The following MICAL2 variants were observed in gnomAD, a reference collection of about 807,000 sequenced individuals.
MICAL2 encodes the protein microtubule associated monooxygenase, calponin and LIM domain containing 2.
MICAL2 carries 77 observed loss-of-function variants against 127.3 expected under a neutral mutation model. That is an observed-to-expected ratio of 0.60 (90% CI 0.50 to 0.73). The LOEUF is 0.73. MICAL2 is among the 30% of genes least tolerant of loss of function. MICAL2 has a pLI of 0.00. For missense variants in MICAL2, 1,351 were observed against 1,434.4 expected (o/e 0.94, Z 0.94); for synonymous variants, 570 against 551.1 (o/e 1.03, Z -0.48).
At chr11:12,199,739 C>A (rs867653281) in intron 3 of MICAL2, among the ~76,000 whole-genome samples, 6 of 152,170 alleles carry the variant, frequency 3.9e-5, no homozygotes, top group African/African-American at 1.4e-4. Flanking sequence ...GTCACCATCC[C>A]CCCATCCTGA....
intron 30 of MICAL2, chr11:12,319,931 G>A: frequency 2.9e-6 from 2 of 692,908 alleles, no homozygotes; most frequent in South Asian, 1.8e-5. Flanking sequence ...ATGTTTCATT[G>A]CATCTGACAG....
intron 26 of MICAL2, 35 bp downstream of exon 26, chr11:12,259,932 C>T (rs760602096): frequency 6.2e-7 from 1 of 1,608,400 alleles, no homozygotes; most frequent in Non-Finnish European, 8.5e-7. Context: ...AGGTGCTGGG[C>T]TGGCCCCTCA....
chr11:12,189,887 G>T (rs57605825), intron 3 of MICAL2, among the ~76,000 whole-genome samples: 162 of 152,346 alleles, frequency 1.1e-3, no homozygotes, highest in African/African-American at 3.8e-3. Flanking sequence ...TGCCCTTAAA[G>T]ATGCTCTGAT....
chr11:12,292,290 C>T (rs75013602), downstream of MICAL2: 4,868 of 1,614,070 alleles, frequency 3.0e-3, 101 homozygotes, highest in African/African-American at 0.052. Flanking sequence ...GGTTCCTCCC[C>T]GCCTCAGGTG....
At chr11:12,349,555 G>C (rs4757382) in intron 32 of MICAL2, among the ~76,000 whole-genome samples, 1 of 151,968 alleles carries the variant, frequency 6.6e-6, no homozygotes, top group Non-Finnish European at 1.5e-5. Context: ...GGCAGGGGGA[G>C]GGTCGTTTGT....
At chr11:12,236,373 T>C in intron 16 of MICAL2, 128 bp downstream of exon 16, 5 of 813,338 alleles carry the variant, frequency 6.1e-6, no homozygotes, top group Non-Finnish European at 1.0e-5. Context: ...GGTTCCAAGC[T>C]TGGCGTGATG....
downstream of MICAL2, chr11:12,292,050 T>C: frequency 7.0e-7 from 1 of 1,431,690 alleles, no homozygotes; most frequent in Non-Finnish European, 9.4e-7. Context: ...TCTTTCTGAC[T>C]GTTTATAGAA....
intron 3 of MICAL2, among the ~76,000 whole-genome samples, chr11:12,166,378 A>G (rs1294674457): frequency 1.3e-5 from 2 of 152,144 alleles, no homozygotes; most frequent in East Asian, 1.9e-4. Flanking sequence ...GACAGAGAGG[A>G]TAGTTTGGAA....
chr11:12,159,643 C>G (rs1048218316), intron 2 of MICAL2, among the ~76,000 whole-genome samples: 2 of 152,204 alleles, frequency 1.3e-5, no homozygotes, highest in Middle Eastern at 3.2e-3. Context: ...GTGTAGCAGG[C>G]AAGTTCAAAT....
At chr11:12,317,536 TAATC>T (rs1216322107) in intron 29 of MICAL2, among the ~76,000 whole-genome samples, 3 of 152,188 alleles carry the variant, frequency 2.0e-5, no homozygotes, top group East Asian at 3.9e-4. Context: ...CTCACACCTA[TAATC>T]CCAGCACTTT....
chr11:12,226,652 T>G (rs2641943), intron 14 of MICAL2, among the ~76,000 whole-genome samples: 19,005 of 70,880 alleles, frequency 0.27, 1,354 homozygotes, highest in East Asian at 0.36. Context: ...TTGTTTTTGG[T>G]TTTTTTTTTT....
At chr11:12,252,290 A>G (rs1232328504) in intron 22 of MICAL2, among the ~76,000 whole-genome samples, 1 of 152,326 alleles carries the variant, frequency 6.6e-6, no homozygotes, top group Non-Finnish European at 1.5e-5. Flanking sequence ...AATGGCAGAC[A>G]GTATGCTTAG....
At chr11:12,124,403 G>T (rs1251080648) in intron 1 of MICAL2, among the ~76,000 whole-genome samples, 1 of 152,152 alleles carries the variant, frequency 6.6e-6, no homozygotes, top group Non-Finnish European at 1.5e-5. Flanking sequence ...TCTGAAGCTA[G>T]ATAGGCCATG....
chr11:12,288,824 C>A (rs1271335501), downstream of MICAL2, among the ~76,000 whole-genome samples: 2 of 152,218 alleles, frequency 1.3e-5, no homozygotes, highest in South Asian at 4.1e-4. Context: ...GCAAAACCTC[C>A]AAGTTCTGGG....
chr11:12,313,769 G>A (rs1864200832), intron 29 of MICAL2, among the ~76,000 whole-genome samples: 1 of 151,802 alleles, frequency 6.6e-6, no homozygotes, highest in Admixed American at 6.6e-5. Context: ...TGTTTAAAAT[G>A]TCTAACAATG....
At chr11:12,124,919 G>A (rs1036103853) in intron 1 of MICAL2, among the ~76,000 whole-genome samples, 2 of 152,244 alleles carry the variant, frequency 1.3e-5, no homozygotes, top group East Asian at 1.9e-4. Context: ...TTCCTCCACA[G>A]TTCCTGTGTC....
At chr11:12,215,148 C>T (rs1855979416) in intron 7 of MICAL2, among the ~76,000 whole-genome samples, 1 of 152,236 alleles carries the variant, frequency 6.6e-6, no homozygotes, top group East Asian at 1.9e-4. Flanking sequence ...ACTTAAGCCA[C>T]TCAATATAAA....
At chr11:12,339,078 A>T (rs929918845) in intron 32 of MICAL2, among the ~76,000 whole-genome samples, 2 of 152,170 alleles carry the variant, frequency 1.3e-5, no homozygotes, top group African/African-American at 4.8e-5. Flanking sequence ...TCTCCCCATC[A>T]CTTTCAGGTA....
intron 1 of MICAL2, among the ~76,000 whole-genome samples, chr11:12,279,744 C>T (rs1053001536): frequency 1.3e-5 from 2 of 152,198 alleles, no homozygotes; most frequent in Admixed American, 1.3e-4. Flanking sequence ...AACTCGGCTA[C>T]TGAGGGTCTC....
Sources: allele counts gnomAD v4.1 joint callset (sites outside exome capture counted in the v4.1 genomes callset), GRCh38; gene constraint gnomAD v4.1.1; transcripts MANE v1.5; gene names NCBI Gene and HGNC (gene_info 2026-07-23, HGNC 2026-07-21).